NECAB2: variants seen among roughly 807,000 people sequenced by gnomAD.
NECAB2 encodes the protein N-terminal EF-hand calcium-binding protein 2.
Under a neutral mutation model 51.9 loss-of-function variants are expected in NECAB2, and 68 were observed. The observed-to-expected ratio is 1.31, with a 90% CI of 1.08 to 1.60. The LOEUF (loss-of-function observed/expected upper bound fraction) is 1.60. Among genes scored for constraint, NECAB2 ranks in the 40% most tolerant of loss-of-function variants. NECAB2 has a pLI of 0.00. For synonymous variants in NECAB2, 329 were observed against 203.5 expected (o/e 1.62, Z -5.25); for missense variants, 854 against 490.3 (o/e 1.74, Z -7.00).
chr16:83,979,775 G>A (rs1012455953), intron 3 of NECAB2, among the ~76,000 whole-genome samples: 4 of 152,152 alleles, frequency 2.6e-5, no homozygotes, highest in East Asian at 1.9e-4. Flanking sequence ...GGGAGGACTC[G>A]CGGTTATGGA....
chr16:83,995,341 G>A (rs892689422), intron 8 of NECAB2, among the ~76,000 whole-genome samples: 3 of 152,106 alleles, frequency 2.0e-5, no homozygotes, highest in African/African-American at 7.2e-5. Context: ...GTGTGACCCT[G>A]GGCCAGGGAC....
At chr16:83,991,363 CT>C (rs1268996212) in intron 6 of NECAB2, among the ~76,000 whole-genome samples, 3 of 126,494 alleles carry the variant, frequency 2.4e-5, no homozygotes, top group African/African-American at 4.1e-5. Context: ...CTTTTCTTTT[CT>C]TTTCTTTTTT....
chr16:83,989,639 A>G (rs1333521732), intron 5 of NECAB2, among the ~76,000 whole-genome samples: 2 of 151,964 alleles, frequency 1.3e-5, no homozygotes, highest in African/African-American at 4.8e-5. Flanking sequence ...ACACAGCATC[A>G]TTTTCATCAT....
intron 8 of NECAB2, among the ~76,000 whole-genome samples, chr16:83,995,097 A>G (rs4782576): frequency 0.32 from 48,097 of 152,194 alleles, 13,373 homozygotes; most frequent in African/African-American, 0.75. Flanking sequence ...AGAGAGTTTC[A>G]AAACAAGGAA....
Position 83,968,598 on chromosome 16 carries a change from A to C in NECAB2, c.-51A>C. 1 of 968,552 alleles carries C rather than the reference A, an allele frequency of 1.0e-6. No individual in the cohort carries two copies. Among genetic ancestry groups the C allele is most frequent in the Non-Finnish European group, 1.2e-6 (1 of 819,492 alleles). 60.0% of individuals were successfully genotyped at this position (968,552 alleles called of 1,614,324 possible). ...AGGGGGTCGCGCGGGGGCGGGCCGC[A>C]GCTGGGCGGGGGTCGGCGGGCTTCC... On this transcript the variant is annotated 5_prime_UTR_variant, in exon 1 of 13. Transcript: ENST00000305202.
rs1567667905 is a variant in NECAB2, at chr16:83,981,154, G to GTGCAGGGC, written c.459+28_459+29insGCAGGGCT. 11 of 1,571,448 alleles carry GTGCAGGGC rather than the reference G, an allele frequency of 7.0e-6. 1 individual carries two copies. The highest frequency in any genetic ancestry group is 6.9e-5 in the African/African-American group (5 of 72,244). ...TCAGTGGGTGTAGGTGGCCCCCGGGGTCCAGGGCTCCAGTGCTGCTTCAGT... is the reference window on the plus strand; with the variant it reads ...TCAGTGGGTGTAGGTGGCCCCCGGGGTGCAGGGCTCCAGGGCTCCAGTGCTGCTTCAGT... On this transcript the variant is annotated intron_variant, in intron 5 of 12. Transcript: ENST00000305202.
chr16:84,000,628 T>C (rs1567681042), intron 10 of NECAB2, 96 bp from the exon 11 acceptor site: 1 of 890,042 alleles, frequency 1.1e-6, no homozygotes, highest in Non-Finnish European at 1.8e-6. Flanking sequence ...GCAGCCGTTG[T>C]GTATAGTGGT....
chr16:83,993,965 C>A (rs76880708), intron 6 of NECAB2, among the ~76,000 whole-genome samples: 3 of 152,280 alleles, frequency 2.0e-5, no homozygotes, highest in Non-Finnish European at 2.9e-5. Flanking sequence ...TTGGGCTCTA[C>A]ACGTGCCCGA....
rs747779744 is a variant in NECAB2, at chr16:83,994,355, C to G, written c.650C>G (p.Pro217Arg). 5.6e-6 allele frequency: 9 copies of G among 1,614,022 alleles called. No homozygotes were observed. The highest frequency in any genetic ancestry group is 1.1e-5 in the South Asian group (1 of 91,088). ...GCGGCACAGACCTGGTGTGGAAGCC[C>G]CACTCCCGCCTCTGCCCCCAACCAC... Reference protein sequence around the residue: ...HSAAQTWCGSPTPASAPNHKL... With the variant: ...HSAAQTWCGSRTPASAPNHKL... The change falls in exon 7 of 13, where the codon CCC (proline) becomes CGC (arginine). Residue 217 changes from proline to arginine, a missense_variant. Transcript: ENST00000305202.
At chr16:83,999,323 C>T (rs943184152) in intron 10 of NECAB2, among the ~76,000 whole-genome samples, 10 of 152,156 alleles carry the variant, frequency 6.6e-5, no homozygotes, top group Non-Finnish European at 1.0e-4. Flanking sequence ...GAGCAGGGGC[C>T]AGACTTGATC....
chr16:83,985,063 A>G (rs1469228402), intron 5 of NECAB2, among the ~76,000 whole-genome samples: 5 of 152,132 alleles, frequency 3.3e-5, no homozygotes, highest in Non-Finnish European at 7.4e-5. Flanking sequence ...CTGTTATCCC[A>G]GTACTTTGGG....
rs1424143724 is a variant in NECAB2 at position 83,968,830 on chromosome 16, G to A, written c.182G>A (p.Gly61Asp). The change falls in exon 1 of 13, where the codon GGC becomes GAC. Residue 61 changes from glycine (G) to aspartate (D), a missense_variant. Physicochemically the swap from Gly to Asp is moderately conservative, Grantham distance 94. Coordinates refer to ENST00000305202, the MANE Select transcript of NECAB2 (RefSeq NM_019065.3). The stretch of plus-strand genomic sequence containing the variant: ...CCCGGCCCAGCCTCGCCGCGCGGGG[G>A]CACCGCCGTCATCCTGGACGTGAGT... ...ADPGPASPRG[G>D]TAVILDIFRR... is the part of the protein sequence containing the mutation. The A allele has an allele frequency of 2.7e-6, 3 of 1,123,350 alleles. No homozygotes were observed. Among genetic ancestry groups the A allele is most frequent in the Non-Finnish European group, 3.3e-6 (3 of 919,300 alleles). The allele number at this position is 1,123,350 out of a possible 1,614,324, so 69.6% of individuals were successfully genotyped here.
chr16:83,983,682 T>G (rs2151090875), intron 5 of NECAB2, among the ~76,000 whole-genome samples: 2 of 152,286 alleles, frequency 1.3e-5, no homozygotes, highest in Admixed American at 1.3e-4. Flanking sequence ...AAACCCTAAT[T>G]GGTATATTAT....
At chr16:83,988,751 C>G (rs781310831) in intron 5 of NECAB2, among the ~76,000 whole-genome samples, 2 of 152,140 alleles carry the variant, frequency 1.3e-5, no homozygotes, top group Non-Finnish European at 2.9e-5. Context: ...AGTAACTTGT[C>G]CACTGGATGC....
At chr16:83,967,269 T>C (rs181082253), upstream of NECAB2, among the ~76,000 whole-genome samples, 108 of 151,882 alleles carry the variant, frequency 7.1e-4, no homozygotes, top group Non-Finnish European at 6.0e-4. Flanking sequence ...GGAGACCAAG[T>C]ACACCATCTG....
chr16:83,970,017 AC>A, intron 1 of NECAB2, among the ~76,000 whole-genome samples: 1 of 152,226 alleles, frequency 6.6e-6, no homozygotes, highest in Non-Finnish European at 1.5e-5. Flanking sequence ...TCGCTTACGC[AC>A]GCACACACAG....
intron 3 of NECAB2, among the ~76,000 whole-genome samples, chr16:83,978,904 G>A (rs1266759795): frequency 3.3e-5 from 5 of 152,106 alleles, no homozygotes; most frequent in African/African-American, 1.2e-4. Context: ...CCCAATGCCT[G>A]TGTGTCCTCC....
At chr16:83,965,974 CCTG>C (rs1427174927), upstream of NECAB2, 1 of 1,600,840 alleles carries the variant, frequency 6.2e-7, no homozygotes, top group South Asian at 1.1e-5. Flanking sequence ...TGGCCAGCTC[CCTG>C]CTAAGGAAGG....
intron 8 of NECAB2, among the ~76,000 whole-genome samples, chr16:83,996,907 G>T (rs1357846314): frequency 6.6e-6 from 1 of 152,134 alleles, no homozygotes; most frequent in Non-Finnish European, 1.5e-5. Flanking sequence ...ATGATTTGGG[G>T]TGAATTATAA....
Sources: allele counts gnomAD v4.1 joint callset (sites outside exome capture counted in the v4.1 genomes callset), GRCh38; gene constraint gnomAD v4.1.1; transcripts MANE v1.5; gene names NCBI Gene and HGNC (gene_info 2026-07-23, HGNC 2026-07-21).